The following TMEM132B variants were observed in gnomAD, a reference collection of about 807,000 sequenced individuals.
The protein encoded by TMEM132B is transmembrane protein 132B.
Under a neutral mutation model 90.8 loss-of-function variants are expected in TMEM132B, and 18 were observed. The ratio of observed to expected loss-of-function variants is 0.20; its 90% CI spans 0.14 to 0.29. The LOEUF is 0.29. Among genes scored for constraint, TMEM132B ranks in the 10% least tolerant of loss-of-function variants. The pLI, the probability that TMEM132B is intolerant of heterozygous loss-of-function variation, is 1.00. For synonymous variants in TMEM132B, 504 were observed against 523.3 expected, an observed-to-expected ratio of 0.96 and a Z score of 0.50; for missense variants, 1,096 against 1,326.8, an observed-to-expected ratio of 0.83 and a Z score of 2.70.
chr12:125,527,441 T>TACCCTTCCATCCACCCATCC (rs1231328513), intron 4 of TMEM132B, among the ~76,000 whole-genome samples: 420 of 37,738 alleles, frequency 0.011, 12 homozygotes, highest in African/African-American at 0.045. Context: ...TCCACCTATT[T>TACCCTTCCATCCACCCATCC]ACCCTTCCAT....
At chr12:125,555,735 T>TAA in intron 4 of TMEM132B, among the ~76,000 whole-genome samples, 1 of 151,494 alleles carries the variant, frequency 6.6e-6, no homozygotes, top group East Asian at 1.9e-4. Context: ...TATATATATA[T>TAA]AAAAAGAAAA....
chr12:125,560,162 G>A (rs190364966), intron 4 of TMEM132B, among the ~76,000 whole-genome samples: 21 of 152,312 alleles, frequency 1.4e-4, no homozygotes, highest in Non-Finnish European at 2.4e-4. Context: ...GTGCTGGAAC[G>A]TGAACCAATC....
chr12:125,526,896 T>C (rs12809557), intron 4 of TMEM132B, among the ~76,000 whole-genome samples: 12 of 143,206 alleles, frequency 8.4e-5, no homozygotes, highest in Middle Eastern at 4.0e-3. Flanking sequence ...CCCTTCCATC[T>C]ACCCATCCAC....
At chr12:125,542,571 G>T (rs1883985642) in intron 4 of TMEM132B, among the ~76,000 whole-genome samples, 1 of 152,196 alleles carries the variant, frequency 6.6e-6, no homozygotes, top group East Asian at 1.9e-4. Context: ...CATGTAGGTA[G>T]ATTCATAGAG....
intron 4 of TMEM132B, among the ~76,000 whole-genome samples, chr12:125,526,043 C>T (rs545976172): frequency 9.2e-5 from 14 of 152,292 alleles, no homozygotes; most frequent in Admixed American, 8.5e-4. Flanking sequence ...TGGGAGGTGT[C>T]ACTGTGAGAG....
At chr12:125,577,696 T>A (rs1566079185) in intron 4 of TMEM132B, among the ~76,000 whole-genome samples, 1 of 151,708 alleles carries the variant, frequency 6.6e-6, no homozygotes. Flanking sequence ...GAAGGCTAGG[T>A]TATTAATTTG....
At chr12:125,212,875 G>A (rs879401918) in intron 1 of TMEM132B, among the ~76,000 whole-genome samples, 3 of 151,934 alleles carry the variant, frequency 2.0e-5, no homozygotes, top group Non-Finnish European at 4.4e-5. Flanking sequence ...ACCTATCATC[G>A]ACAGGGTCTA....
chr12:125,487,686 G>A (rs1882237643), intron 3 of TMEM132B, among the ~76,000 whole-genome samples: 1 of 152,198 alleles, frequency 6.6e-6, no homozygotes, highest in South Asian at 2.1e-4. Flanking sequence ...CTTTAAGAGA[G>A]GCTTGGAAAT....
At chr12:125,644,009 AC>A in intron 5 of TMEM132B, 66 bp from the exon 6 acceptor site, 4 of 1,420,916 alleles carry the variant, frequency 2.8e-6, no homozygotes, top group Non-Finnish European at 4.0e-6. Context: ...ATGAACTTTC[AC>A]TGTTGTTGTT....
chr12:125,651,445 C>A (rs1268034792), intron 7 of TMEM132B, among the ~76,000 whole-genome samples: 1 of 152,134 alleles, frequency 6.6e-6, no homozygotes, highest in Non-Finnish European at 1.5e-5. Flanking sequence ...ATTTTCTAGC[C>A]AATTTGACAG....
At chr12:125,633,381 G>T (rs1316378700) in intron 5 of TMEM132B, among the ~76,000 whole-genome samples, 1 of 152,188 alleles carries the variant, frequency 6.6e-6, no homozygotes, top group Non-Finnish European at 1.5e-5. Context: ...TGAATTCTGT[G>T]TCTGAATGGT....
chr12:125,514,956 CAG>C (rs1252600834), intron 3 of TMEM132B, among the ~76,000 whole-genome samples: 1 of 152,202 alleles, frequency 6.6e-6, no homozygotes, highest in Non-Finnish European at 1.5e-5. Context: ...AGCCCCTCCT[CAG>C]GGGTCCCAGG....
At chr12:125,248,277 CA>C (rs1319020125) in intron 1 of TMEM132B, among the ~76,000 whole-genome samples, 1 of 152,186 alleles carries the variant, frequency 6.6e-6, no homozygotes, top group Admixed American at 6.5e-5. Context: ...AAGAGAACCT[CA>C]GAAACACCGG....
At chr12:125,636,749 G>A (rs895103784) in intron 5 of TMEM132B, among the ~76,000 whole-genome samples, 3 of 152,170 alleles carry the variant, frequency 2.0e-5, no homozygotes, top group Non-Finnish European at 2.9e-5. Context: ...ATGAAACTGC[G>A]GAAATTTATC....
intron 3 of TMEM132B, among the ~76,000 whole-genome samples, chr12:125,516,955 A>G (rs1883175868): frequency 6.6e-6 from 1 of 152,198 alleles, no homozygotes; most frequent in Admixed American, 6.5e-5. Context: ...AGGCTGGAAT[A>G]TGGTTGATGG....
intron 1 of TMEM132B, among the ~76,000 whole-genome samples, chr12:125,192,993 C>A (rs2007829): frequency 2.6e-5 from 4 of 152,118 alleles, no homozygotes; most frequent in African/African-American, 9.7e-5. Flanking sequence ...ACAACAACGG[C>A]GTGCTGATGC....
intron 1 of TMEM132B, among the ~76,000 whole-genome samples, chr12:125,320,586 G>A (rs1876401269): frequency 6.6e-6 from 1 of 152,156 alleles, no homozygotes; most frequent in African/African-American, 2.4e-5. Flanking sequence ...TTTGCTCTAT[G>A]AAGAACTCAG....
intron 1 of TMEM132B, among the ~76,000 whole-genome samples, chr12:125,331,282 A>C (rs1407160648): frequency 2.6e-5 from 4 of 152,350 alleles, no homozygotes; most frequent in Admixed American, 2.6e-4. Context: ...ACACAGGACA[A>C]GCTCTGAATT....
chr12:125,221,062 C>T (rs1363104347), intron 1 of TMEM132B, among the ~76,000 whole-genome samples: 1 of 152,248 alleles, frequency 6.6e-6, no homozygotes, highest in Non-Finnish European at 1.5e-5. Context: ...GAGGGGCTGT[C>T]CCTGAGCACC....
Sources: gnomAD v4.1 joint callset for allele counts (sites outside exome capture counted in the v4.1 genomes callset) on GRCh38, gnomAD v4.1.1 for gene constraint, MANE v1.5 for transcripts, NCBI Gene and HGNC (gene_info 2026-07-23, HGNC 2026-07-21) for gene names.